FMN1: variants seen among roughly 807,000 people sequenced by gnomAD.
The protein encoded by FMN1 is formin 1.
FMN1 carries 110 observed loss-of-function variants against 132.4 expected under a neutral mutation model. The ratio of observed to expected loss-of-function variants is 0.83; its 90% CI spans 0.71 to 0.97. The LOEUF is 0.97. FMN1 is among the 50% of genes least tolerant of loss of function. The pLI is 0.00. For synonymous variants in FMN1, 722 were observed against 651.7 expected, an observed-to-expected ratio of 1.11 and a Z score of -1.64; for missense variants, 1,792 against 1,705.3, an observed-to-expected ratio of 1.05 and a Z score of -0.90.
At chr15:33,014,742 T>C (rs1362292320) in intron 6 of FMN1, among the ~76,000 whole-genome samples, 1 of 152,190 alleles carries the variant, frequency 6.6e-6, no homozygotes, top group Non-Finnish European at 1.5e-5. Flanking sequence ...ACCTTCCTTT[T>C]TGATCAGTTC....
chr15:32,865,257 A>G (rs2059365834), intron 16 of FMN1, among the ~76,000 whole-genome samples: 2 of 152,236 alleles, frequency 1.3e-5, no homozygotes, highest in African/African-American at 4.8e-5. Flanking sequence ...AAATGGGTGA[A>G]TTATGTGGAA....
intron 10 of FMN1, among the ~76,000 whole-genome samples, chr15:32,919,592 A>G (rs16961154): frequency 6.6e-6 from 1 of 152,208 alleles, no homozygotes; most frequent in African/African-American, 2.4e-5. Context: ...ATTTTATAAC[A>G]TGCATATTAG....
intron 5 of FMN1, among the ~76,000 whole-genome samples, chr15:33,076,579 C>T (rs1301405376): frequency 6.6e-6 from 1 of 152,098 alleles, no homozygotes; most frequent in Non-Finnish European, 1.5e-5. Flanking sequence ...TCCAAGTAGG[C>T]ACCATGCTCG....
chr15:32,849,212 C>T (rs1381197515), intron 17 of FMN1, among the ~76,000 whole-genome samples: 6 of 150,072 alleles, frequency 4.0e-5, no homozygotes, highest in Non-Finnish European at 5.9e-5. Flanking sequence ...AGGATGGTCT[C>T]GGTCTCCTGA....
Position 32,949,970 on chromosome 15 carries a change from C to CATATATATATAT in FMN1, c.3138+14136_3138+14137insATATATATATAT, listed in dbSNP as rs370244413. On this transcript the variant is annotated intron_variant, in intron 9 of 20. Transcript: ENST00000616417. Reference sequence around the variant, plus strand: ...ATATATATATATATATATATACACACATATATATACACACACATATATATA... The same window carrying CATATATATATAT: ...ATATATATATATATATATATACACACATATATATATATATATATATACACACACATATATATA... 6.5e-3 allele frequency among the ~76,000 whole-genome samples: 57 copies of CATATATATATAT among 8,730 alleles called. 4 individuals carry two copies. The highest frequency in any genetic ancestry group is 0.011 in the Non-Finnish European group (44 of 3,866). The allele number at this position is 8,730 out of a possible 152,430, so 5.7% of individuals were successfully genotyped here. A position where few individuals can be genotyped will look rare whatever the true frequency, so the allele number is the denominator to read the frequency against.
chr15:32,815,238 G>C (rs113362358), intron 17 of FMN1, among the ~76,000 whole-genome samples: 1 of 152,066 alleles, frequency 6.6e-6, no homozygotes, highest in Non-Finnish European at 1.5e-5. Context: ...CATCGCGCCC[G>C]GCCTGCATGT....
chr15:33,110,736 G>C (rs766683857), intron 4 of FMN1, among the ~76,000 whole-genome samples: 1 of 151,610 alleles, frequency 6.6e-6, no homozygotes, highest in East Asian at 1.9e-4. Context: ...ATTTAAAAAT[G>C]CAATATTAAA....
chr15:32,900,582 GTTC>G (rs1343222005), intron 13 of FMN1, among the ~76,000 whole-genome samples: 3 of 152,172 alleles, frequency 2.0e-5, no homozygotes, highest in South Asian at 2.1e-4. Context: ...GAAGAAGTAT[GTTC>G]TTCTTTATCC....
chr15:33,057,121 G>T (rs1049765036), intron 6 of FMN1, among the ~76,000 whole-genome samples: 2 of 152,208 alleles, frequency 1.3e-5, no homozygotes, highest in African/African-American at 4.8e-5. Context: ...TGGTTGCAGT[G>T]AGCTGAGATG....
At chr15:32,957,494 G>A (rs957405721) in intron 9 of FMN1, among the ~76,000 whole-genome samples, 1 of 151,650 alleles carries the variant, frequency 6.6e-6, no homozygotes, top group Non-Finnish European at 1.5e-5. Flanking sequence ...ATACAAACAC[G>A]ATATGTACTA....
rs117258305 is a variant in FMN1, at chr15:33,074,442, T to C, written c.2044-9368A>G. ...AAAGCCTGCAGCTGTTTTCACTAAT[T>C]GGTTAAAAAGAAAACAGGCAGCACC... On this transcript the variant is annotated intron_variant, in intron 5 of 20. Coordinates refer to ENST00000616417, the MANE Select transcript of FMN1 (RefSeq NM_001277313.2). 6.6e-3 allele frequency among the ~76,000 whole-genome samples: 1,011 copies of C among 152,296 alleles called. 2 individuals carry two copies. The highest frequency in any genetic ancestry group is 9.7e-3 in the Non-Finnish European group (660 of 68,022).
At chr15:33,089,868 G>T (rs1463390239) in intron 4 of FMN1, among the ~76,000 whole-genome samples, 10 of 152,214 alleles carry the variant, frequency 6.6e-5, no homozygotes, top group Admixed American at 6.5e-4. Context: ...GGTCAAGTAA[G>T]TGTGAGAAAA....
intron 5 of FMN1, among the ~76,000 whole-genome samples, chr15:33,084,769 T>C (rs2038624301): frequency 6.6e-6 from 1 of 152,172 alleles, no homozygotes; most frequent in Admixed American, 6.5e-5. Flanking sequence ...AACTAAAAGA[T>C]GAATGCCCAG....
At chr15:32,859,242 G>A (rs532613702) in intron 16 of FMN1, among the ~76,000 whole-genome samples, 1 of 152,238 alleles carries the variant, frequency 6.6e-6, no homozygotes, top group Non-Finnish European at 1.5e-5. Context: ...AAACAAAGGG[G>A]GAAAGGTACA....
At chr15:32,980,876 T>C (rs1433076418) in intron 7 of FMN1, among the ~76,000 whole-genome samples, 1 of 152,012 alleles carries the variant, frequency 6.6e-6, no homozygotes, top group East Asian at 1.9e-4. Flanking sequence ...TAGCCGGGCG[T>C]GGTGATGCGT....
At chr15:32,783,661 T>C (rs1043921804) in intron 19 of FMN1, among the ~76,000 whole-genome samples, 3 of 141,216 alleles carry the variant, frequency 2.1e-5, no homozygotes, top group Non-Finnish European at 1.5e-5. Flanking sequence ...GAGAATGGCG[T>C]GAACCCGGGG....
At chr15:32,892,050 TTTCTC>T (rs2060044463) in intron 15 of FMN1, among the ~76,000 whole-genome samples, 1 of 152,170 alleles carries the variant, frequency 6.6e-6, no homozygotes, top group Non-Finnish European at 1.5e-5. Flanking sequence ...CCTTCCTTTC[TTTCTC>T]TTGTCTGATT....
intron 7 of FMN1, among the ~76,000 whole-genome samples, chr15:33,005,071 G>A (rs1374147763): frequency 6.6e-6 from 1 of 152,072 alleles, no homozygotes. Flanking sequence ...GATAGCATTA[G>A]GAGATATACC....
intron 19 of FMN1, among the ~76,000 whole-genome samples, chr15:32,784,552 G>A (rs537779413): frequency 8.5e-4 from 130 of 152,190 alleles, no homozygotes; most frequent in African/African-American, 3.0e-3. Flanking sequence ...GAAGACCAAG[G>A]GGATGATTCT....
Sources: gnomAD v4.1 joint callset for allele counts (sites outside exome capture counted in the v4.1 genomes callset) on GRCh38, gnomAD v4.1.1 for gene constraint, MANE v1.5 for transcripts, NCBI Gene and HGNC (gene_info 2026-07-23, HGNC 2026-07-21) for gene names.